The following CDH18 variants were observed in gnomAD, a reference collection of about 807,000 sequenced individuals.
CDH18 encodes cadherin-18.
In CDH18, 31 loss-of-function variants were observed where a neutral mutation model predicts 67.9. That is an observed-to-expected ratio of 0.46 (90% CI 0.34 to 0.62). The LOEUF is 0.62. Ranked by LOEUF, CDH18 falls within the 20% of genes least tolerant of loss-of-function variation. The probability of loss-of-function intolerance (pLI) is 0.01; values close to 1 mark genes in which losing one functional copy is unlikely to be tolerated. For missense variants in CDH18, 890 were observed against 975.5 expected, an observed-to-expected ratio of 0.91 and a Z score of 1.17; for synonymous variants, 362 against 347.2, an observed-to-expected ratio of 1.04 and a Z score of -0.48.
At chr5:20,098,083 T>A (rs1746144150) in intron 2 of CDH18, among the ~76,000 whole-genome samples, 1 of 152,104 alleles carries the variant, frequency 6.6e-6, no homozygotes, top group East Asian at 1.9e-4. Context: ...AATTTTTCTT[T>A]GTAAGTAATT....
chr5:19,611,104 G>A (rs1748877480), intron 6 of CDH18, among the ~76,000 whole-genome samples: 1 of 152,132 alleles, frequency 6.6e-6, no homozygotes, highest in Non-Finnish European at 1.5e-5. Context: ...TCACTGGGCT[G>A]AACACCTAAG....
intron 5 of CDH18, 54 bp downstream of exon 5, chr5:19,721,293 T>C: frequency 6.7e-7 from 1 of 1,485,772 alleles, no homozygotes; most frequent in Non-Finnish European, 9.1e-7. Flanking sequence ...AACCATTGCT[T>C]TGCAACTTAC....
intron 2 of CDH18, among the ~76,000 whole-genome samples, chr5:19,916,686 T>G (rs915370712): frequency 2.6e-5 from 4 of 152,208 alleles, no homozygotes; most frequent in African/African-American, 9.6e-5. Context: ...TAGAGTTCTA[T>G]TTTTTAAATT....
chr5:19,791,356 AACACACACAC>A lies in CDH18; in HGVS notation c.229-44130_229-44121del, dbSNP rs58429751. On this transcript the variant is annotated intron_variant, in intron 3 of 12. Coordinates refer to ENST00000382275, the MANE Select transcript of CDH18 (RefSeq NM_004934.5). Reference sequence around the variant, plus strand: ...TGATATTCTTGCAATTCGACTTTTAAACACACACACACACACACACACACACACACACACA... The same window carrying A: ...TGATATTCTTGCAATTCGACTTTTAAACACACACACACACACACACACACA... Among the ~76,000 whole-genome samples the A allele has an allele frequency of 2.1e-3, 301 of 141,642 alleles. 6 individuals are homozygous for A. The highest frequency in any genetic ancestry group is 4.7e-4 in the Non-Finnish European group (31 of 65,490). 92.9% of individuals were successfully genotyped at this position (141,642 alleles called of 152,430 possible).
At chr5:20,151,777 C>T (rs528152983) in intron 2 of CDH18, among the ~76,000 whole-genome samples, 2 of 151,896 alleles carry the variant, frequency 1.3e-5, no homozygotes, top group Non-Finnish European at 2.9e-5. Flanking sequence ...AAGGAAGATG[C>T]AATACTTTAT....
chr5:20,190,194 T>C (rs543923596), intron 2 of CDH18, among the ~76,000 whole-genome samples: 8 of 152,198 alleles, frequency 5.3e-5, no homozygotes, highest in South Asian at 2.1e-4. Context: ...TGAGCTCTGC[T>C]CCAAAAGAAT....
At chr5:20,082,215 C>T (rs948611663) in intron 2 of CDH18, among the ~76,000 whole-genome samples, 1 of 151,262 alleles carries the variant, frequency 6.6e-6, no homozygotes, top group African/African-American at 2.4e-5. Flanking sequence ...AAATAATCCT[C>T]CATTATTTAT....
chr5:20,209,012 A>C (rs537175759), intron 2 of CDH18, among the ~76,000 whole-genome samples: 1 of 152,160 alleles, frequency 6.6e-6, no homozygotes, highest in African/African-American at 2.4e-5. Flanking sequence ...CAACATCACT[A>C]ATCACCAGGG....
intron 2 of CDH18, among the ~76,000 whole-genome samples, chr5:19,860,024 T>TG (rs1784723718): frequency 4.8e-4 from 16 of 33,668 alleles, no homozygotes; most frequent in Admixed American, 3.9e-3. Context: ...GTGTGTGTGT[T>TG]TAAGAGTATT....
intron 2 of CDH18, among the ~76,000 whole-genome samples, chr5:20,008,523 T>C (rs1328460858): frequency 1.3e-5 from 2 of 152,166 alleles, no homozygotes; most frequent in Non-Finnish European, 2.9e-5. Context: ...CCCACGAAAG[T>C]TAATGCTAAT....
At chr5:20,239,666 ACT>A (rs1305337984) in intron 2 of CDH18, among the ~76,000 whole-genome samples, 3 of 152,280 alleles carry the variant, frequency 2.0e-5, no homozygotes, top group East Asian at 1.9e-4. Flanking sequence ...CACATTTTGC[ACT>A]CTCAATATTT....
intron 2 of CDH18, among the ~76,000 whole-genome samples, chr5:20,239,749 T>A (rs79305856): frequency 0.026 from 3,964 of 152,268 alleles, 153 homozygotes; most frequent in African/African-American, 0.089. Context: ...AATATGAAGA[T>A]GCTTGACAAT....
chr5:19,937,325 G>A (rs1448711776), intron 2 of CDH18, among the ~76,000 whole-genome samples: 1 of 151,178 alleles, frequency 6.6e-6, no homozygotes, highest in African/African-American at 2.4e-5. Context: ...ATATGAACTG[G>A]CATTCTCAAC....
At chr5:20,202,398 T>C (rs1453786938) in intron 2 of CDH18, among the ~76,000 whole-genome samples, 1 of 152,156 alleles carries the variant, frequency 6.6e-6, no homozygotes, top group Non-Finnish European at 1.5e-5. Context: ...AATCAAAGAA[T>C]GAAAATTTTT....
chr5:19,810,464 A>G lies in CDH18; in HGVS notation c.228+28295T>C, dbSNP rs1384211257. Among the ~76,000 whole-genome samples, 3 of 152,260 alleles carry G rather than the reference A, an allele frequency of 2.0e-5. No homozygotes were observed. The South Asian group carries it at 6.2e-4, about 32-fold the overall frequency. On this transcript the variant is annotated intron_variant, in intron 3 of 12. Transcript: ENST00000382275. ...GGATAATGATTTAATTTAGTTCAAG[A>G]CAGCATTAATACATTAGAGATAAAA...
At chr5:20,434,281 T>G (rs1414999168) in intron 1 of CDH18, among the ~76,000 whole-genome samples, 1 of 152,116 alleles carries the variant, frequency 6.6e-6, no homozygotes, top group African/African-American at 2.4e-5. Context: ...ATTGAATTAT[T>G]GCAGACAATA....
chr5:19,568,201 C>T (rs1008299626), intron 8 of CDH18, among the ~76,000 whole-genome samples: 5 of 152,054 alleles, frequency 3.3e-5, no homozygotes, highest in Non-Finnish European at 7.3e-5. Flanking sequence ...CCCTAGATGC[C>T]AGTAACACCC....
intron 1 of CDH18, among the ~76,000 whole-genome samples, chr5:20,453,743 G>A (rs1481131456): frequency 1.3e-5 from 2 of 151,974 alleles, no homozygotes; most frequent in South Asian, 2.1e-4. Flanking sequence ...GGAATTAACA[G>A]CTCAGCTGTC....
chr5:19,965,567 T>G (rs1487898610), intron 2 of CDH18, among the ~76,000 whole-genome samples: 2 of 152,310 alleles, frequency 1.3e-5, no homozygotes, highest in East Asian at 1.9e-4. Flanking sequence ...GCAAAATATC[T>G]ATTAAAGTTG....
Sources: allele counts gnomAD v4.1 joint callset (sites outside exome capture counted in the v4.1 genomes callset), GRCh38; gene constraint gnomAD v4.1.1; transcripts MANE v1.5; gene names NCBI Gene and HGNC (gene_info 2026-07-23, HGNC 2026-07-21).